TIAM1: variants seen among roughly 807,000 people sequenced by gnomAD.
TIAM1 encodes the protein TIAM Rac1 associated GEF 1.
In TIAM1, 65 loss-of-function variants were observed where a neutral mutation model predicts 163.5. That is an observed-to-expected ratio of 0.40 (90% CI 0.33 to 0.49). The LOEUF (loss-of-function observed/expected upper bound fraction) is 0.49. Among genes scored for constraint, TIAM1 ranks in the 20% least tolerant of loss-of-function variants. The pLI, the probability that TIAM1 is intolerant of heterozygous loss-of-function variation, is 0.77. For synonymous variants in TIAM1, 833 were observed against 810.1 expected (o/e 1.03, Z -0.48); for missense variants, 1,789 against 2,044.7 (o/e 0.87, Z 2.41).
At chr21:31,308,143 C>T (rs552539947) in intron 2 of TIAM1, among the ~76,000 whole-genome samples, 64 of 152,166 alleles carry the variant, frequency 4.2e-4, no homozygotes, top group Non-Finnish European at 4.4e-4. Context: ...CCCAGCTATT[C>T]GGGAGGCTAA....
upstream of TIAM1, among the ~76,000 whole-genome samples, chr21:31,348,232 G>A (rs2076180392): frequency 6.6e-6 from 1 of 152,124 alleles, no homozygotes; most frequent in Non-Finnish European, 1.5e-5. Flanking sequence ...GAACCAACTT[G>A]GTCAGGAATC....
At chr21:31,265,427 C>A (rs1376334508) in intron 4 of TIAM1, among the ~76,000 whole-genome samples, 1 of 151,840 alleles carries the variant, frequency 6.6e-6, no homozygotes, top group Non-Finnish European at 1.5e-5. Flanking sequence ...CATGTTATTC[C>A]TTCCGCTACA....
chr21:31,458,357 T>C (rs887673531), intron 2 of TIAM1, among the ~76,000 whole-genome samples: 3 of 151,722 alleles, frequency 2.0e-5, no homozygotes, highest in African/African-American at 7.3e-5. Context: ...GAGACGGAGG[T>C]TGCAGTGAGC....
chr21:31,247,457 C>T (rs2071566660), intron 5 of TIAM1, among the ~76,000 whole-genome samples: 1 of 151,982 alleles, frequency 6.6e-6, no homozygotes, highest in Non-Finnish European at 1.5e-5. Flanking sequence ...TACAGTGGCA[C>T]AATCATAGCT....
intron 2 of TIAM1, among the ~76,000 whole-genome samples, chr21:31,400,908 T>A (rs997393003): frequency 1.3e-5 from 2 of 151,932 alleles, no homozygotes. Flanking sequence ...CTGACCAACA[T>A]GGAGAAACCC....
chr21:31,167,453 A>T (rs1180190903), intron 15 of TIAM1, among the ~76,000 whole-genome samples: 6 of 152,192 alleles, frequency 3.9e-5, no homozygotes, highest in Admixed American at 1.3e-4. Flanking sequence ...TCTACAAAAC[A>T]CTTAGAAATG....
Position 31,552,048 on chromosome 21 carries a change from CTTTTT to C in TIAM1, c.-422+6874_-422+6878del, listed in dbSNP as rs200300720. ...TATATGGAATTTTTACTCTGCACTA[CTTTTT>C]TTTTTTTTTTTTTTTTTTTTTTGAG... On this transcript the variant is annotated intron_variant, in intron 1 of 28. Transcript: ENST00000286827. Among the ~76,000 whole-genome samples the C allele has an allele frequency of 3.1e-3, 249 of 80,148 alleles. 1 individual carries two copies. Among genetic ancestry groups the C allele is most frequent in the African/African-American group, 0.014 (239 of 17,682 alleles). The allele number at this position is 80,148 out of a possible 152,430, so 52.6% of individuals were successfully genotyped here. A position where few individuals can be genotyped will look rare whatever the true frequency, so the allele number is the denominator to read the frequency against.
In TIAM1 at chr21:31,462,736, GTTTTT is replaced by G. The variant is rs201556863; in HGVS notation, c.-369+1242_-369+1246del. ...ACTGCCTACCTAACCCCACTTTTTT[GTTTTT>G]TTTTTTTGTTTTTTTTTTTGAGACC... is the stretch of plus-strand genomic sequence containing the variant. On this transcript the variant is annotated intron_variant, in intron 2 of 28. Transcript: ENST00000286827. 5.1e-4 allele frequency among the ~76,000 whole-genome samples: 28 copies of G among 55,326 alleles called. 1 individual carries two copies. Among genetic ancestry groups the G allele is most frequent in the African/African-American group, 1.4e-3 (26 of 18,056 alleles). 36.3% of individuals were successfully genotyped at this position (55,326 alleles called of 152,430 possible).
intron 1 of TIAM1, among the ~76,000 whole-genome samples, chr21:31,511,238 C>T (rs1254819479): frequency 6.6e-6 from 1 of 152,168 alleles, no homozygotes; most frequent in East Asian, 1.9e-4. Context: ...GACACTCAGC[C>T]CTAGGAAACC....
Position 31,182,483 on chromosome 21 carries a change from T to A in TIAM1, c.2825A>T (p.His942Leu), listed in dbSNP as rs773739334. 3 of 1,611,030 alleles carry A rather than the reference T, an allele frequency of 1.9e-6. No individual in the cohort carries two copies. In the South Asian group the frequency reaches 3.3e-5, roughly 18 times the overall value. Residue 942 changes from histidine to leucine, a missense_variant, in exon 15 of 28, where the codon CAC (histidine) becomes CTC (leucine). By Grantham distance (99) the His-to-Leu change is moderately conservative. This residue lies in a region of TIAM1 where 303 missense variants were observed against 321.3 expected (regional missense o/e 0.94). Transcript: ENST00000541036. ...AAGGTCGGCAGGGCCGTCCACTCGG[T>A]GGGGCGGGCTTTCCAGCAGCTCCAC... is the stretch of plus-strand genomic sequence containing the variant. ...EGVELLESPP[H>L]RVDGPADLGE...
chr21:31,520,128 C>G (rs1456651734), intron 1 of TIAM1, among the ~76,000 whole-genome samples: 2 of 152,120 alleles, frequency 1.3e-5, no homozygotes, highest in Non-Finnish European at 2.9e-5. Flanking sequence ...GTCGGGAGTT[C>G]GAGACCAGCC....
chr21:31,186,853 T>C (rs1380227155), intron 14 of TIAM1, 148 bp downstream of exon 14: 1 of 710,406 alleles, frequency 1.4e-6, no homozygotes, highest in East Asian at 2.5e-5. Flanking sequence ...TGGAATAAAA[T>C]GCATATTCCC....
chr21:31,287,304 T>C (rs1209455833), intron 2 of TIAM1, among the ~76,000 whole-genome samples: 2 of 152,234 alleles, frequency 1.3e-5, no homozygotes, highest in East Asian at 3.8e-4. Context: ...AGTATCTATG[T>C]AGAATTTTAC....
chr21:31,399,968 A>G (rs2077137064), intron 2 of TIAM1, among the ~76,000 whole-genome samples: 1 of 152,112 alleles, frequency 6.6e-6, no homozygotes, highest in South Asian at 2.1e-4. Context: ...ATGGGCACAC[A>G]CATACACTCA....
intron 1 of TIAM1, among the ~76,000 whole-genome samples, chr21:31,493,394 T>C (rs908593205): frequency 2.0e-5 from 3 of 152,110 alleles, no homozygotes; most frequent in African/African-American, 7.2e-5. Context: ...AGAGATCGCA[T>C]TGAGAATTTC....
At chr21:31,487,759 T>A (rs1470272114) in intron 1 of TIAM1, among the ~76,000 whole-genome samples, 2 of 151,462 alleles carry the variant, frequency 1.3e-5, no homozygotes, top group Admixed American at 6.6e-5. Context: ...GGGTTTCACC[T>A]TGTTAGCCAG....
chr21:31,421,149 A>G (rs1320986190), intron 2 of TIAM1, among the ~76,000 whole-genome samples: 4 of 150,838 alleles, frequency 2.7e-5, no homozygotes, highest in Non-Finnish European at 5.9e-5. Flanking sequence ...AAAAGAAAAG[A>G]AAAGAAAAAA....
chr21:31,504,221 A>G (rs2046955282), intron 1 of TIAM1, among the ~76,000 whole-genome samples: 1 of 152,234 alleles, frequency 6.6e-6, no homozygotes, highest in South Asian at 2.1e-4. Context: ...ACCCAGGCCT[A>G]CAATGAACAA....
chr21:31,428,355 T>C (rs1246256109), intron 2 of TIAM1, among the ~76,000 whole-genome samples: 1 of 152,194 alleles, frequency 6.6e-6, no homozygotes, highest in Non-Finnish European at 1.5e-5. Context: ...TTCCTATATA[T>C]GTGTCAGCTA....
Sources: gnomAD v4.1 joint callset for allele counts (sites outside exome capture counted in the v4.1 genomes callset) on GRCh38, gnomAD v4.1.1 for gene constraint, gnomAD v4.1.1 regional missense constraint, MANE v1.5 for transcripts, NCBI Gene and HGNC (gene_info 2026-07-23, HGNC 2026-07-21) for gene names.